RBMS3: variants seen among roughly 807,000 people sequenced by gnomAD.
The protein encoded by RBMS3 is RNA binding motif single stranded interacting protein 3.
Under a neutral mutation model 66.8 loss-of-function variants are expected in RBMS3, and 27 were observed. The observed-to-expected ratio is 0.40, with a 90% CI of 0.30 to 0.56. The LOEUF (loss-of-function observed/expected upper bound fraction) is 0.56. RBMS3 is among the 20% of genes least tolerant of loss of function. RBMS3 has a pLI of 0.40. For missense variants in RBMS3, 513 were observed against 549.5 expected, an observed-to-expected ratio of 0.93 and a Z score of 0.66; for synonymous variants, 188 against 183.0, an observed-to-expected ratio of 1.03 and a Z score of -0.22.
At chr3:29,439,779 AC>A (rs1419768581) in intron 2 of RBMS3, among the ~76,000 whole-genome samples, 2 of 151,984 alleles carry the variant, frequency 1.3e-5, no homozygotes, top group African/African-American at 2.4e-5. Context: ...CCAGTCTTGA[AC>A]GGGTCATCAA....
chr3:29,351,975 TA>T (rs2125560330), intron 1 of RBMS3, among the ~76,000 whole-genome samples: 1 of 152,238 alleles, frequency 6.6e-6, no homozygotes, highest in South Asian at 2.1e-4. Flanking sequence ...CTAATTATTG[TA>T]ATTATTGAAT....
intron 1 of RBMS3, among the ~76,000 whole-genome samples, chr3:29,340,580 T>C (rs903706978): frequency 6.6e-6 from 1 of 152,170 alleles, no homozygotes; most frequent in Non-Finnish European, 1.5e-5. Flanking sequence ...CTAGAGAGAT[T>C]TGACAAAATG....
chr3:29,554,083 C>G (rs2046266015), intron 3 of RBMS3, among the ~76,000 whole-genome samples: 1 of 152,116 alleles, frequency 6.6e-6, no homozygotes, highest in Admixed American at 6.5e-5. Flanking sequence ...ATTAAGATAT[C>G]AACTGTATTT....
At chr3:29,502,035 A>T (rs75796868) in intron 3 of RBMS3, among the ~76,000 whole-genome samples, 3,397 of 152,200 alleles carry the variant, frequency 0.022, 95 homozygotes, top group Admixed American at 0.088. Context: ...CAGAAGGGCA[A>T]ATTTGTCTAG....
At chr3:29,371,461 C>G (rs933329029) in intron 1 of RBMS3, among the ~76,000 whole-genome samples, 1 of 152,182 alleles carries the variant, frequency 6.6e-6, no homozygotes, top group Non-Finnish European at 1.5e-5. Flanking sequence ...TGGAAACACA[C>G]AGACACACAC....
At chr3:29,996,220 A>C (rs1253255966) in intron 14 of RBMS3, among the ~76,000 whole-genome samples, 1 of 151,364 alleles carries the variant, frequency 6.6e-6, no homozygotes, top group Non-Finnish European at 1.5e-5. Flanking sequence ...AGAGCTAACT[A>C]TCCTAAATAT....
chr3:29,630,700 C>A (rs187243071), intron 4 of RBMS3, among the ~76,000 whole-genome samples: 1 of 152,080 alleles, frequency 6.6e-6, no homozygotes, highest in Non-Finnish European at 1.5e-5. Context: ...AATCCAAATC[C>A]TCAAGAGTAA....
chr3:29,766,572 A>G (rs947006399), intron 6 of RBMS3: 2 of 151,922 alleles, frequency 1.3e-5, no homozygotes, highest in African/African-American at 2.4e-5. Flanking sequence ...TCTTTTTGGA[A>G]CACGCTTTAT....
chr3:29,623,503 G>A (rs13097339), intron 4 of RBMS3, among the ~76,000 whole-genome samples: 1 of 150,832 alleles, frequency 6.6e-6, no homozygotes, highest in Non-Finnish European at 1.5e-5. Flanking sequence ...GAGGCAGGAG[G>A]ATGGCGTGAA....
At chr3:29,603,410 A>G (rs964292838) in intron 4 of RBMS3, among the ~76,000 whole-genome samples, 70 of 152,116 alleles carry the variant, frequency 4.6e-4, no homozygotes, top group African/African-American at 1.6e-3. Context: ...AACAAGGTTG[A>G]AACCTTATCT....
intron 4 of RBMS3, among the ~76,000 whole-genome samples, chr3:29,722,001 G>A (rs1022056561): frequency 5.3e-5 from 8 of 152,120 alleles, no homozygotes; most frequent in Admixed American, 5.2e-4. Flanking sequence ...TGTTAATTGT[G>A]CAATATTAGG....
chr3:29,633,402 G>A (rs2049354865), intron 4 of RBMS3, among the ~76,000 whole-genome samples: 1 of 151,846 alleles, frequency 6.6e-6, no homozygotes, highest in African/African-American at 2.4e-5. Flanking sequence ...AAGAGGGGCT[G>A]TGGCATATCA....
chr3:29,730,950 A>T (rs572669494), intron 4 of RBMS3: 1 of 985,296 alleles, frequency 1.0e-6, no homozygotes, highest in African/African-American at 1.7e-5. Context: ...TGAGGTGTAT[A>T]TGGAGGGAGA....
intron 6 of RBMS3, chr3:29,765,886 T>G (rs1471604152): frequency 6.3e-6 from 1 of 157,974 alleles, no homozygotes; most frequent in East Asian, 1.8e-4. Context: ...ATGTCTCATA[T>G]GACGGCAGAC....
Position 29,538,222 on chromosome 3 carries a change from G to A in RBMS3, c.308-48892G>A, listed in dbSNP as rs185368708. Among the ~76,000 whole-genome samples the A allele has an allele frequency of 3.0e-3, 455 of 152,246 alleles. 7 individuals are homozygous for A. Among genetic ancestry groups the A allele is most frequent in the Admixed American group, 0.028 (424 of 15,292 alleles). ...ATAATCAAATACTGGAACATTTATG[G>A]TGCTATCAAGCACATAAACACATTT... On this transcript the variant is annotated intron_variant, in intron 3 of 14. Transcript: ENST00000383767.
intron 1 of RBMS3, among the ~76,000 whole-genome samples, chr3:29,306,391 G>T (rs1486804913): frequency 6.6e-6 from 1 of 151,890 alleles, no homozygotes; most frequent in East Asian, 1.9e-4. Flanking sequence ...ACCTTCTCTT[G>T]CTCCTTCTCA....
intron 3 of RBMS3, among the ~76,000 whole-genome samples, chr3:29,532,246 GTATATATATATATATGTATATA>G (rs1161863271): frequency 1.1e-5 from 1 of 88,994 alleles, no homozygotes; most frequent in Non-Finnish European, 2.0e-5. Context: ...GCATATATAT[GTATATATATATATATGTATATA>G]TATATATATA....
chr3:29,719,162 C>G (rs73054379), intron 4 of RBMS3, among the ~76,000 whole-genome samples: 5,220 of 152,234 alleles, frequency 0.034, 120 homozygotes, highest in Non-Finnish European at 0.048. Flanking sequence ...TTCCTCAAGT[C>G]TTATTGATCC....
Position 29,509,299 on chromosome 3 carries a change from T to C in RBMS3, c.307+20800T>C, listed in dbSNP as rs77498487. On this transcript the variant is annotated intron_variant, in intron 3 of 14. Transcript: ENST00000383767. ...TTTACATGCCACATGGAAAAATACT[T>C]TGGTGCCTGTTCTCTTTGCCTGTAA... 1.7e-3 allele frequency among the ~76,000 whole-genome samples: 256 copies of C among 152,326 alleles called. 8 individuals carry two copies. The East Asian group carries it at 0.038, about 23-fold the overall frequency.
Sources: gnomAD v4.1 joint callset for allele counts (sites outside exome capture counted in the v4.1 genomes callset) on GRCh38, gnomAD v4.1.1 for gene constraint, MANE v1.5 for transcripts, NCBI Gene and HGNC (gene_info 2026-07-23, HGNC 2026-07-21) for gene names.